C3orf70: variants seen among roughly 807,000 people sequenced by gnomAD.
C3orf70 encodes UPF0524 protein C3orf70.
C3orf70 carries 15 observed loss-of-function variants against 20.7 expected under a neutral mutation model. The ratio of observed to expected loss-of-function variants is 0.72; its 90% CI spans 0.48 to 1.11. The LOEUF (loss-of-function observed/expected upper bound fraction) is 1.11. C3orf70 is among the 50% of genes most tolerant of loss of function. The probability of loss-of-function intolerance (pLI) is 0.00; values close to 1 mark genes in which losing one functional copy is unlikely to be tolerated. For synonymous variants in C3orf70, 161 were observed against 125.7 expected (o/e 1.28, Z -1.88); for missense variants, 332 against 317.6 (o/e 1.05, Z -0.34).
chr3:185,106,669 T>C (rs181156431), intron 1 of C3orf70, among the ~76,000 whole-genome samples: 8,331 of 151,178 alleles, frequency 0.055, 641 homozygotes, highest in African/African-American at 0.19. Flanking sequence ...CCCTCACCCC[T>C]GTACAATGTC....
At chr3:185,090,521 A>C (rs1247494991) in intron 1 of C3orf70, among the ~76,000 whole-genome samples, 1 of 152,194 alleles carries the variant, frequency 6.6e-6, no homozygotes, top group African/African-American at 2.4e-5. Flanking sequence ...GTGCAAGCAA[A>C]ATATAATTAG....
Position 185,144,009 on chromosome 3 carries a change from C to CAT in C3orf70, c.196+8618_196+8619insAT, listed in dbSNP as rs200522871. On this transcript the variant is annotated intron_variant, in intron 1 of 1. Coordinates refer to ENST00000335012, the MANE Select transcript of C3orf70 (RefSeq NM_001025266.3). ...ACACACACACACACACACACACACACACTCAACACATAGGAACTATTACAA... is the reference window on the plus strand; with the variant it reads ...ACACACACACACACACACACACACACATACTCAACACATAGGAACTATTACAA... 2.8e-3 allele frequency among the ~76,000 whole-genome samples: 421 copies of CAT among 150,984 alleles called. 2 individuals are homozygous for CAT. Among genetic ancestry groups the CAT allele is most frequent in the African/African-American group, 8.9e-3 (361 of 40,540 alleles).
intron 1 of C3orf70, among the ~76,000 whole-genome samples, chr3:185,098,161 G>C (rs1161110462): frequency 6.6e-6 from 1 of 152,202 alleles, no homozygotes; most frequent in Non-Finnish European, 1.5e-5. Context: ...CCACAGCAAG[G>C]ATGAAGCCTG....
At chr3:185,140,263 G>A (rs62289830) in intron 1 of C3orf70, among the ~76,000 whole-genome samples, 10,639 of 152,234 alleles carry the variant, frequency 0.07, 433 homozygotes, top group South Asian at 0.11. Context: ...ATAAATAAAG[G>A]TGGGGGAAGC....
rs561264630 is a variant in C3orf70, at chr3:185,116,865, G to A, written c.197-33302C>T. The stretch of plus-strand genomic sequence containing the variant: ...GCAATCTCGGCTCACTGCAAGCTCC[G>A]CCTTAGGGGTTCACGCCATTCTCCT... On this transcript the variant is annotated intron_variant, in intron 1 of 1. Transcript: ENST00000335012. Among the ~76,000 whole-genome samples, 36 of 151,006 alleles carry A rather than the reference G, an allele frequency of 2.4e-4. No homozygotes were observed. In the South Asian group the frequency reaches 4.4e-3, roughly 18 times the overall value.
intron 1 of C3orf70, among the ~76,000 whole-genome samples, chr3:185,101,422 C>T (rs912998801): frequency 6.6e-6 from 1 of 151,674 alleles, no homozygotes; most frequent in Admixed American, 6.6e-5. Context: ...TAACTAAAGA[C>T]AACCACACAA....
Position 185,152,929 on chromosome 3 carries a change from C to A in C3orf70, c.-106G>T. Reference sequence around the variant, plus strand: ...GGACGCGGGAGGGCGCGGCACGGGCCGGGAGTCACGCCAGCACGCGGCGGC... The same window carrying A: ...GGACGCGGGAGGGCGCGGCACGGGCAGGGAGTCACGCCAGCACGCGGCGGC... On this transcript the variant is annotated 5_prime_UTR_variant, in exon 1 of 2. Coordinates refer to ENST00000335012, the MANE Select transcript of C3orf70 (RefSeq NM_001025266.3). 2.8e-6 allele frequency: 3 copies of A among 1,068,438 alleles called. No homozygotes were observed. The highest frequency in any genetic ancestry group is 6.7e-5 in the East Asian group (2 of 30,040). The allele number at this position is 1,068,438 out of a possible 1,614,324, so 66.2% of individuals were successfully genotyped here. A position where few individuals can be genotyped will look rare whatever the true frequency, so the allele number is the denominator to read the frequency against.
intron 1 of C3orf70, among the ~76,000 whole-genome samples, chr3:185,120,262 A>G (rs1716270538): frequency 6.6e-6 from 1 of 152,184 alleles, no homozygotes; most frequent in Non-Finnish European, 1.5e-5. Flanking sequence ...TTCAACAAAT[A>G]TGTACTATCT....
rs535915728 is a variant in C3orf70, at chr3:185,078,029, C to T, written c.*4978G>A. On this transcript the variant is annotated 3_prime_UTR_variant, in exon 2 of 2. Coordinates refer to ENST00000335012, the MANE Select transcript of C3orf70 (RefSeq NM_001025266.3). The stretch of plus-strand genomic sequence containing the variant: ...TGAGTTTTGGTTTTGGGGTTGGGTA[C>T]ACTCCAAAACAGCAGATTTGTTCTG... 9 of 152,256 alleles carry T rather than the reference C, an allele frequency of 5.9e-5. No individual in the cohort carries two copies. In the East Asian group the frequency reaches 1.5e-3, roughly 26 times the overall value. 9.4% of individuals were successfully genotyped at this position (152,256 alleles called of 1,614,324 possible).
At chr3:185,096,043 A>AT (rs1463306055) in intron 1 of C3orf70, among the ~76,000 whole-genome samples, 2 of 152,094 alleles carry the variant, frequency 1.3e-5, no homozygotes, top group African/African-American at 2.4e-5. Flanking sequence ...CCAAAACTTC[A>AT]TTTTTTAATA....
intron 1 of C3orf70, among the ~76,000 whole-genome samples, chr3:185,126,741 A>G (rs2108601054): frequency 6.6e-6 from 1 of 152,322 alleles, no homozygotes; most frequent in East Asian, 1.9e-4. Flanking sequence ...GTGCAAAACG[A>G]AAATGCTGGC....
At chr3:185,138,294 C>T (rs1412076897) in intron 1 of C3orf70, among the ~76,000 whole-genome samples, 3 of 151,932 alleles carry the variant, frequency 2.0e-5, no homozygotes, top group Non-Finnish European at 2.9e-5. Context: ...CCTCCAGGCC[C>T]AGATGGTTTT....
In C3orf70 at chr3:185,077,145, T is replaced by G. The variant is rs3732935; in HGVS notation, c.*5862A>C. 0.26 allele frequency among the ~76,000 whole-genome samples: 39,767 copies of G among 151,422 alleles called. 6,180 individuals carry two copies. Among genetic ancestry groups the G allele is most frequent in the East Asian group, 0.56 (2,878 of 5,114 alleles). On this transcript the variant is annotated 3_prime_UTR_variant, in exon 2 of 2. Transcript: ENST00000335012. ...TATAGGGTGCGGGGTGGGGGGGCAC[T>G]GTATGGAGGACAGAGAAGGGGACAA...
At chr3:185,097,082 C>T (rs1395555208) in intron 1 of C3orf70, among the ~76,000 whole-genome samples, 1 of 152,100 alleles carries the variant, frequency 6.6e-6, no homozygotes, top group Non-Finnish European at 1.5e-5. Context: ...AACTTCCTCC[C>T]CATTTAATCC....
chr3:185,127,509 G>A (rs538706398), intron 1 of C3orf70, among the ~76,000 whole-genome samples: 5 of 152,178 alleles, frequency 3.3e-5, no homozygotes, highest in Admixed American at 6.5e-5. Flanking sequence ...GCGCGATCTC[G>A]GTTCACTGCA....
intron 1 of C3orf70, among the ~76,000 whole-genome samples, chr3:185,106,835 A>T (rs1169607883): frequency 3.9e-5 from 6 of 152,264 alleles, no homozygotes; most frequent in African/African-American, 1.2e-4. Context: ...GGTCTAGTTT[A>T]AATTTAAAAG....
At position 185,152,903 on chromosome 3, in the gene C3orf70, C is replaced by A. The variant is rs1717027060; in HGVS notation, c.-80G>T. The A allele has an allele frequency of 2.7e-5, 36 of 1,312,262 alleles. No individual in the cohort carries two copies. The East Asian group carries it at 1.1e-3, about 41-fold the overall frequency. 81.3% of individuals were successfully genotyped at this position (1,312,262 alleles called of 1,614,324 possible). A position where few individuals can be genotyped will look rare whatever the true frequency, so the allele number is the denominator to read the frequency against. On this transcript the variant is annotated 5_prime_UTR_variant, in exon 1 of 2. Coordinates refer to ENST00000335012, the MANE Select transcript of C3orf70 (RefSeq NM_001025266.3). ...GGTGGGCAGGAAGCCGAGCCGGCTGCGGACGCGGGAGGGCGCGGCACGGGC... is the reference window on the plus strand; with the variant it reads ...GGTGGGCAGGAAGCCGAGCCGGCTGAGGACGCGGGAGGGCGCGGCACGGGC...
chr3:185,096,828 C>T (rs952817152), intron 1 of C3orf70, among the ~76,000 whole-genome samples: 1 of 152,146 alleles, frequency 6.6e-6, no homozygotes, highest in Non-Finnish European at 1.5e-5. Context: ...CACAGCCACA[C>T]CATTAGTTGC....
intron 1 of C3orf70, among the ~76,000 whole-genome samples, chr3:185,127,428 ATTCT>A (rs1040034152): frequency 1.6e-4 from 25 of 152,184 alleles, no homozygotes; most frequent in African/African-American, 5.1e-4. Flanking sequence ...CTAGACATTC[ATTCT>A]TTTTTTAAAT....
Sources: allele counts gnomAD v4.1 joint callset (sites outside exome capture counted in the v4.1 genomes callset), GRCh38; gene constraint gnomAD v4.1.1; transcripts MANE v1.5; gene names NCBI Gene and HGNC (gene_info 2026-07-23, HGNC 2026-07-21).